The following GPR39 variants were observed in gnomAD, a reference collection of about 807,000 sequenced individuals.
GPR39 encodes the protein G protein-coupled receptor 39.
GPR39 carries 23 observed loss-of-function variants against 18.4 expected under a neutral mutation model. The observed-to-expected ratio is 1.25, with a 90% CI of 0.90 to 1.77. The LOEUF is 1.77. Among genes scored for constraint, GPR39 ranks in the 40% most tolerant of loss-of-function variants. The probability of loss-of-function intolerance (pLI) is 0.00; values close to 1 mark genes in which losing one functional copy is unlikely to be tolerated. For synonymous variants in GPR39, 280 were observed against 257.9 expected (o/e 1.09, Z -0.82); for missense variants, 647 against 602.4 (o/e 1.07, Z -0.78).
intron 1 of GPR39, among the ~76,000 whole-genome samples, chr2:132,546,967 G>A (rs188732633): frequency 4.0e-5 from 6 of 151,878 alleles, no homozygotes; most frequent in African/African-American, 1.4e-4. Flanking sequence ...GAAACCACTC[G>A]TGCCTGAATT....
At chr2:132,518,774 A>G (rs1679375812) in intron 1 of GPR39, among the ~76,000 whole-genome samples, 1 of 152,268 alleles carries the variant, frequency 6.6e-6, no homozygotes, top group African/African-American at 2.4e-5. Context: ...AATGTATCCA[A>G]ACTATTATTT....
chr2:132,447,358 G>A (rs1198771681), intron 1 of GPR39, among the ~76,000 whole-genome samples: 1 of 152,200 alleles, frequency 6.6e-6, no homozygotes, highest in Non-Finnish European at 1.5e-5. Flanking sequence ...AATGTAAAGA[G>A]GAGCTGGCTA....
intron 1 of GPR39, among the ~76,000 whole-genome samples, chr2:132,468,275 G>T (rs1680968123): frequency 6.6e-6 from 1 of 152,156 alleles, no homozygotes; most frequent in Non-Finnish European, 1.5e-5. Flanking sequence ...TTACCTTCTA[G>T]ACCAGGAAAA....
intron 1 of GPR39, among the ~76,000 whole-genome samples, chr2:132,493,303 TATATATACCATATATATACACATACC>T (rs1258208920): frequency 3.4e-5 from 5 of 145,832 alleles, no homozygotes; most frequent in East Asian, 2.0e-4. Flanking sequence ...ATATACACCA[TATATATACCATATATATACACATACC>T]ATATATACCA....
intron 1 of GPR39, among the ~76,000 whole-genome samples, chr2:132,599,839 G>A (rs1238607808): frequency 6.6e-6 from 1 of 152,184 alleles, no homozygotes; most frequent in Non-Finnish European, 1.5e-5. Context: ...AACTCTCCTT[G>A]ATAAGCTAGA....
chr2:132,545,211 A>G (rs957331916), intron 1 of GPR39, among the ~76,000 whole-genome samples: 1 of 152,194 alleles, frequency 6.6e-6, no homozygotes, highest in East Asian at 1.9e-4. Flanking sequence ...CAGGAGTGAT[A>G]TTCTGTGACT....
At chr2:132,548,598 A>G (rs1037395773) in intron 1 of GPR39, among the ~76,000 whole-genome samples, 10 of 152,272 alleles carry the variant, frequency 6.6e-5, no homozygotes, top group South Asian at 6.2e-4. Context: ...AATTTTTCTC[A>G]TTTCTTGCCC....
chr2:132,635,517 T>C (rs1392766528), intron 1 of GPR39, among the ~76,000 whole-genome samples: 1 of 151,840 alleles, frequency 6.6e-6, no homozygotes, highest in Non-Finnish European at 1.5e-5. Flanking sequence ...GTGTGGGCAA[T>C]TGGTGTGAGA....
At chr2:132,423,321 T>A (rs1680050586) in intron 1 of GPR39, among the ~76,000 whole-genome samples, 1 of 150,156 alleles carries the variant, frequency 6.7e-6, no homozygotes, top group African/African-American at 2.5e-5. Context: ...CTCTTGCTCT[T>A]CTTATAAGGA....
intron 1 of GPR39, among the ~76,000 whole-genome samples, chr2:132,590,354 A>G (rs1680805361): frequency 6.6e-6 from 1 of 152,160 alleles, no homozygotes; most frequent in Non-Finnish European, 1.5e-5. Context: ...ACACATGCTT[A>G]CATGTGCACA....
chr2:132,494,263 T>G (rs1404779170), intron 1 of GPR39, among the ~76,000 whole-genome samples: 1 of 152,104 alleles, frequency 6.6e-6, no homozygotes, highest in Non-Finnish European at 1.5e-5. Flanking sequence ...TGCCTCCACA[T>G]CCTCCTGAGA....
chr2:132,444,405 C>T (rs1355634444), intron 1 of GPR39, among the ~76,000 whole-genome samples: 1 of 152,088 alleles, frequency 6.6e-6, no homozygotes, highest in Non-Finnish European at 1.5e-5. Flanking sequence ...GTCTTCCCAC[C>T]TCAGTCTCCC....
At chr2:132,490,359 T>C (rs1368170624) in intron 1 of GPR39, among the ~76,000 whole-genome samples, 1 of 151,946 alleles carries the variant, frequency 6.6e-6, no homozygotes, top group Non-Finnish European at 1.5e-5. Context: ...AGTTTTCTTT[T>C]TTTCAGGTCA....
chr2:132,530,575 A>C (rs1679597957), intron 1 of GPR39, among the ~76,000 whole-genome samples: 1 of 152,250 alleles, frequency 6.6e-6, no homozygotes, highest in African/African-American at 2.4e-5. Context: ...GTTGAAATGA[A>C]GGAAAAAATG....
At chr2:132,532,275 C>T (rs984167364) in intron 1 of GPR39, among the ~76,000 whole-genome samples, 16 of 152,076 alleles carry the variant, frequency 1.1e-4, no homozygotes, top group African/African-American at 3.9e-4. Flanking sequence ...ACACATACAC[C>T]CTCCCAAGAC....
At chr2:132,442,716 T>G (rs958017968) in intron 1 of GPR39, among the ~76,000 whole-genome samples, 1 of 152,262 alleles carries the variant, frequency 6.6e-6, no homozygotes, top group Non-Finnish European at 1.5e-5. Context: ...GATTCATGTA[T>G]AATGAACTGT....
intron 1 of GPR39, among the ~76,000 whole-genome samples, chr2:132,609,712 C>T (rs1681207470): frequency 6.6e-6 from 1 of 152,212 alleles, no homozygotes; most frequent in African/African-American, 2.4e-5. Flanking sequence ...CTTGTCACTG[C>T]TGTCTGCCAA....
At chr2:132,641,842 T>C in intron 1 of GPR39, among the ~76,000 whole-genome samples, 1 of 152,236 alleles carries the variant, frequency 6.6e-6, no homozygotes, top group Non-Finnish European at 1.5e-5. Context: ...TTTACTTTCT[T>C]GCTTGTGTTT....
At chr2:132,565,414 T>A (rs1348954314) in intron 1 of GPR39, among the ~76,000 whole-genome samples, 15 of 132,268 alleles carry the variant, frequency 1.1e-4, no homozygotes, top group African/African-American at 3.5e-4. Context: ...TTTTTTTTTA[T>A]TATACTTTAA....
Sources: gnomAD v4.1 joint callset for allele counts (sites outside exome capture counted in the v4.1 genomes callset) on GRCh38, gnomAD v4.1.1 for gene constraint, MANE v1.5 for transcripts, NCBI Gene and HGNC (gene_info 2026-07-23, HGNC 2026-07-21) for gene names.